Variants in G2E3 observed in about 807,000 individuals in gnomAD.
G2E3 encodes the protein G2/M-phase specific E3 ubiquitin protein ligase, also known as G2/M phase-specific E3 ubiquitin-protein ligase.
A neutral mutation model predicts 92.8 loss-of-function variants in G2E3; 35 were observed. The ratio of observed to expected loss-of-function variants is 0.38; its 90% CI spans 0.29 to 0.50. The LOEUF (loss-of-function observed/expected upper bound fraction) is 0.50, where lower values mean the gene tolerates loss of function less well. Ranked by LOEUF, G2E3 falls within the 20% of genes least tolerant of loss-of-function variation. The pLI, the probability that G2E3 is intolerant of heterozygous loss-of-function variation, is 0.94. For missense variants in G2E3, 554 were observed against 823.8 expected (o/e 0.67, Z 4.01); for synonymous variants, 242 against 272.4 (o/e 0.89, Z 1.10).
At chr14:30,607,009 A>G (rs920235877) in intron 11 of G2E3, among the ~76,000 whole-genome samples, 13 of 152,148 alleles carry the variant, frequency 8.5e-5, no homozygotes, top group African/African-American at 1.4e-4. Flanking sequence ...AATCAAATAA[A>G]TATAAACAAG....
At position 30,619,848 on chromosome 14, in the gene G2E3, C is replaced by G. The variant is rs765288644; in HGVS notation, c.*3314C>G. The G allele has an allele frequency of 3.9e-5, 6 of 152,030 alleles. No individual in the cohort carries two copies. The highest frequency in any genetic ancestry group is 8.8e-5 in the Non-Finnish European group (6 of 67,996). 9.4% of individuals were successfully genotyped at this position (152,030 alleles called of 1,614,324 possible). On this transcript the variant is annotated 3_prime_UTR_variant, in exon 15 of 15. Coordinates refer to ENST00000206595, the MANE Select transcript of G2E3 (RefSeq NM_017769.5). ...GTTTATGCCACTAAAGGTAAACTGC[C>G]TATTTAAACTAAGTAATTTTTTGGG...
At chr14:30,612,431 G>T (rs768680569) in intron 13 of G2E3, 52 bp downstream of exon 13, 1 of 1,120,480 alleles carries the variant, frequency 8.9e-7, no homozygotes, top group Non-Finnish European at 1.3e-6. Context: ...GTTTAAAGTG[G>T]TTAATTATCT....
chr14:30,574,767 A>G (rs1384086320), intron 1 of G2E3, among the ~76,000 whole-genome samples: 1 of 152,072 alleles, frequency 6.6e-6, no homozygotes, highest in Non-Finnish European at 1.5e-5. Context: ...ACTCTTTTTT[A>G]TGGCTGCACA....
At chr14:30,574,413 T>TTTTTTTTTAAC (rs1394817761) in intron 1 of G2E3, 1 of 151,114 alleles carries the variant, frequency 6.6e-6, no homozygotes, top group African/African-American at 2.4e-5. Context: ...CAGTTCATCT[T>TTTTTTTTTAAC]TTTTTTTTAA....
chr14:30,560,629 T>G lies in G2E3; in HGVS notation c.-5+1357T>G, dbSNP rs1046530911. ...TCAACAAATGGTAATTTTTAAAAAT[T>G]GATCGCTATATCCTAATCTCTTTAT... On this transcript the variant is annotated intron_variant, in intron 1 of 14. Transcript: ENST00000206595. 2.1e-5 allele frequency: 12 copies of G among 563,706 alleles called. No homozygotes were observed. In the African/African-American group the frequency reaches 2.3e-4, roughly 11 times the overall value. The allele number at this position is 563,706 out of a possible 1,614,324, so 34.9% of individuals were successfully genotyped here. A position where few individuals can be genotyped will look rare whatever the true frequency, so the allele number is the denominator to read the frequency against.
rs754110380 is a variant in G2E3, at chr14:30,589,503, T to G, written c.237+19T>G. 1 of 1,173,814 alleles carries G rather than the reference T, an allele frequency of 8.5e-7. No individual in the cohort carries two copies. Among genetic ancestry groups the G allele is most frequent in the Non-Finnish European group, 1.3e-6 (1 of 787,958 alleles). The allele number at this position is 1,173,814 out of a possible 1,614,324, so 72.7% of individuals were successfully genotyped here. The stretch of plus-strand genomic sequence containing the variant: ...TAAACTGGTAAGTAAATTATTTTAC[T>G]ATTAAGTAATGTCATAAATATTGTC... On this transcript the variant is annotated intron_variant, in intron 4 of 14. Coordinates refer to ENST00000206595, the MANE Select transcript of G2E3 (RefSeq NM_017769.5).
chr14:30,602,436 A>G (rs960308465), intron 10 of G2E3, among the ~76,000 whole-genome samples: 28 of 152,126 alleles, frequency 1.8e-4, no homozygotes, highest in African/African-American at 6.3e-4. Flanking sequence ...CTGAGTAATG[A>G]TGTAAAATAT....
At chr14:30,569,601 C>A (rs956059982) in intron 1 of G2E3, among the ~76,000 whole-genome samples, 5 of 152,072 alleles carry the variant, frequency 3.3e-5, no homozygotes, top group African/African-American at 7.2e-5. Context: ...ATTGCCTGAA[C>A]TGTAGTAAAA....
At chr14:30,609,619 G>A (rs1881994500) in intron 12 of G2E3, among the ~76,000 whole-genome samples, 1 of 152,100 alleles carries the variant, frequency 6.6e-6, no homozygotes, top group African/African-American at 2.4e-5. Context: ...TTACAGACCT[G>A]TATTTTTGAG....
At chr14:30,572,283 T>A (rs1438963071) in intron 1 of G2E3, among the ~76,000 whole-genome samples, 2 of 152,186 alleles carry the variant, frequency 1.3e-5, no homozygotes, top group Non-Finnish European at 2.9e-5. Flanking sequence ...TTTTACTTCA[T>A]CCTTCACAGT....
chr14:30,562,630 C>CTCTA (rs1879175545), intron 1 of G2E3, among the ~76,000 whole-genome samples: 1 of 152,032 alleles, frequency 6.6e-6, no homozygotes, highest in African/African-American at 2.4e-5. Context: ...TTAGAGAAGA[C>CTCTA]TCTACTCCTC....
intron 1 of G2E3, chr14:30,560,667 G>T (rs897094209): frequency 4.9e-6 from 3 of 617,738 alleles, no homozygotes; most frequent in Non-Finnish European, 8.6e-6. Context: ...TTTTCTACCT[G>T]AATTATTTTC....
intron 2 of G2E3, among the ~76,000 whole-genome samples, chr14:30,585,042 G>T (rs1304733209): frequency 6.6e-6 from 1 of 151,790 alleles, no homozygotes; most frequent in Non-Finnish European, 1.5e-5. Flanking sequence ...CACCATGTTG[G>T]GCAGGCTGGT....
Position 30,612,277 on chromosome 14 carries a change from T to C in G2E3, c.1571T>C (p.Ile524Thr), listed in dbSNP as rs771793142. 2 of 1,605,336 alleles carry C rather than the reference T, an allele frequency of 1.2e-6. No homozygotes were observed. The highest frequency in any genetic ancestry group is 3.3e-5 in the Admixed American group (2 of 59,886). ...GAATGCTATAACTACCTTGAGTTAA[T>C]TGGATGTCTCAGACTTATAACGACA... ...INECYNYLEL[I>T]GCLRLITTLS... Residue 524 changes from isoleucine (I) to threonine (T), a missense_variant, in exon 13 of 15, where the codon ATT becomes ACT. Physicochemically the swap from Ile to Thr is moderately conservative, Grantham distance 89. Transcript: ENST00000206595.
At chr14:30,592,491 A>G in intron 5 of G2E3, 44 bp downstream of exon 5, 2 of 1,388,296 alleles carry the variant, frequency 1.4e-6, no homozygotes, top group Non-Finnish European at 2.0e-6. Flanking sequence ...GTGTTAAAGA[A>G]TAGTGGAAAA....
chr14:30,615,586 T>C, intron 14 of G2E3, 47 bp downstream of exon 14: 1 of 1,196,356 alleles, frequency 8.4e-7, no homozygotes, highest in East Asian at 2.6e-5. Flanking sequence ...GAATATTTGT[T>C]TCAGCATATT....
intron 12 of G2E3, among the ~76,000 whole-genome samples, chr14:30,610,799 T>G (rs570863621): frequency 6.6e-6 from 1 of 152,208 alleles, no homozygotes; most frequent in East Asian, 1.9e-4. Context: ...AGGGTAAGAG[T>G]TGGCAAAAAA....
In G2E3 at chr14:30,592,281, G is replaced by A. The variant is rs182660559; in HGVS notation, c.238-42G>A. 3 of 1,576,410 alleles carry A rather than the reference G, an allele frequency of 1.9e-6. No homozygotes were observed. In the South Asian group the frequency reaches 3.4e-5, roughly 18 times the overall value. On this transcript the variant is annotated intron_variant, in intron 4 of 14. Transcript: ENST00000206595. ...TGTCTTGATCATATTATAATACTCA[G>A]ATTTTTTATGTTGTGACCCCTATTT...
chr14:30,582,799 A>T (rs138761436), intron 2 of G2E3, among the ~76,000 whole-genome samples: 97 of 152,290 alleles, frequency 6.4e-4, no homozygotes, highest in African/African-American at 2.1e-3. Flanking sequence ...TCGAGTTATG[A>T]CTTATCCCTT....
Sources: allele counts gnomAD v4.1 joint callset (sites outside exome capture counted in the v4.1 genomes callset), GRCh38; gene constraint gnomAD v4.1.1; transcripts MANE v1.5; gene names NCBI Gene and HGNC (gene_info 2026-07-23, HGNC 2026-07-21).